Variants in PEX3 observed in about 807,000 individuals in gnomAD.
PEX3 encodes peroxin-3.
PEX3 carries 30 observed loss-of-function variants against 55.8 expected under a neutral mutation model. The ratio of observed to expected loss-of-function variants is 0.54; its 90% confidence interval spans 0.40 to 0.73. The LOEUF (loss-of-function observed/expected upper bound fraction) is 0.73, where lower values mean the gene tolerates loss of function less well. Among genes scored for constraint, PEX3 ranks in the 30% least tolerant of loss-of-function variants. The probability of loss-of-function intolerance (pLI) is 0.00; values close to 1 mark genes in which losing one functional copy is unlikely to be tolerated. For synonymous variants in PEX3, 135 were observed against 148.4 expected, an observed-to-expected ratio of 0.91 and a Z score of 0.66; for missense variants, 351 against 432.8, an observed-to-expected ratio of 0.81 and a Z score of 1.68.
rs1016224890 is a variant in PEX3, at chr6:143,475,736, A to G, written c.818+880A>G. 6.6e-6 allele frequency among the ~76,000 whole-genome samples: 1 copy of G among 152,198 alleles called. No homozygotes were observed. Among genetic ancestry groups the G allele is most frequent in the African/African-American group, 2.4e-5 (1 of 41,456 alleles). ...TTCATTGGCAACTGCCTCCCAGGCA[A>G]TGTTTTATACTCCCATTACTTTACT... On this transcript the variant is annotated intron_variant, in intron 9 of 11. Coordinates refer to ENST00000367591, the MANE Select transcript of PEX3 (RefSeq NM_003630.3). The surrounding 1 kb of genome is among the most constrained non-coding windows in gnomAD (Gnocchi z 4.4).
In PEX3 at chr6:143,474,859, A is replaced by G. The variant is rs975195178; in HGVS notation, c.818+3A>G. 7.3e-6 allele frequency: 11 copies of G among 1,505,204 alleles called. No homozygotes were observed. In the African/African-American group the frequency reaches 1.2e-4, roughly 17 times the overall value. 93.2% of individuals were successfully genotyped at this position (1,505,204 alleles called of 1,614,324 possible). A position where few individuals can be genotyped will look rare whatever the true frequency, so the allele number is the denominator to read the frequency against. On this transcript the variant is annotated splice_donor_region_variant and intron_variant, in intron 9 of 11. Coordinates refer to ENST00000367591, the MANE Select transcript of PEX3 (RefSeq NM_003630.3). ...GAAACTAGAGACATGTTGGAAAGGTATGTATACTTCATGTAGCAGGAAAAA... is the reference window on the plus strand; with the variant it reads ...GAAACTAGAGACATGTTGGAAAGGTGTGTATACTTCATGTAGCAGGAAAAA...
In PEX3 at chr6:143,459,256, G is replaced by A; in HGVS notation, c.205+40G>A. On this transcript the variant is annotated intron_variant, in intron 2 of 11. Transcript: ENST00000367591. The surrounding 1 kb of genome is among the most constrained non-coding windows in gnomAD (Gnocchi z 4.2). ...TATTTATACATGTGTAAAGTTGTTT[G>A]ACGGTTGTATTAATTTGCATATCAC... 1 of 1,576,676 alleles carries A rather than the reference G, an allele frequency of 6.3e-7. No individual in the cohort carries two copies. Among genetic ancestry groups the A allele is most frequent in the Non-Finnish European group, 8.7e-7 (1 of 1,147,048 alleles).
intron 4 of PEX3, among the ~76,000 whole-genome samples, chr6:143,468,420 T>A (rs1011638642): frequency 1.3e-5 from 2 of 152,204 alleles, no homozygotes; most frequent in African/African-American, 4.8e-5. Context: ...CTTTATTAGG[T>A]ACTGATATCT....
In PEX3 at chr6:143,485,191, A is replaced by G; in HGVS notation, c.981A>G (p.Pro327=). The change falls in exon 11 of 12, where the codon CCA becomes CCG. Residue 327 remains proline, a synonymous_variant. Transcript: ENST00000367591. This position sits in a 1 kb window ranked among gnomAD's most constrained non-coding sequence, Gnocchi z 5.6. ...SVSLPLAKII[P]IVNGQIHSVC... ...GCCTGCCTTTAGCTAAGATAATTCC[A>G]ATAGTAAACGGACAGATCCATTCAG... 3 of 1,607,202 alleles carry G rather than the reference A, an allele frequency of 1.9e-6. No individual in the cohort carries two copies. The highest frequency in any genetic ancestry group is 2.6e-6 in the Non-Finnish European group (3 of 1,173,944).
chr6:143,460,893 T>C lies in PEX3; in HGVS notation c.205+1677T>C, dbSNP rs570740345. 6.7e-5 allele frequency among the ~76,000 whole-genome samples: 10 copies of C among 149,118 alleles called. No individual in the cohort carries two copies. The South Asian group carries it at 2.1e-3, about 31-fold the overall frequency. On this transcript the variant is annotated intron_variant, in intron 2 of 11. Transcript: ENST00000367591. Reference sequence around the variant, plus strand: ...AAAAAAAAAAAAAAAAAGTAAAATGTAGCTGCTGGGGTCTTAAAATACATC... The same window carrying C: ...AAAAAAAAAAAAAAAAAGTAAAATGCAGCTGCTGGGGTCTTAAAATACATC...
At position 143,459,891 on chromosome 6, in the gene PEX3, C is replaced by G. The variant is rs1779896810; in HGVS notation, c.205+675C>G. ...TCGTCCACAATAGTATACACTCAGGCAATGTTAATTAATGGCAATAATTTA... is the reference window on the plus strand; with the variant it reads ...TCGTCCACAATAGTATACACTCAGGGAATGTTAATTAATGGCAATAATTTA... On this transcript the variant is annotated intron_variant, in intron 2 of 11. Coordinates refer to ENST00000367591, the MANE Select transcript of PEX3 (RefSeq NM_003630.3). This position sits in a 1 kb window ranked among gnomAD's most constrained non-coding sequence, Gnocchi z 4.2. Among the ~76,000 whole-genome samples, 1 of 152,158 alleles carries G rather than the reference C, an allele frequency of 6.6e-6. No homozygotes were observed. Among genetic ancestry groups the G allele is most frequent in the Non-Finnish European group, 1.5e-5 (1 of 68,022 alleles).
In PEX3 at chr6:143,489,132, A is replaced by T. The variant is rs778683131; in HGVS notation, c.1039-11A>T. The T allele has an allele frequency of 6.4e-7, 1 of 1,573,728 alleles. No homozygotes were observed. The highest frequency in any genetic ancestry group is 1.1e-5 in the South Asian group (1 of 90,266). On this transcript the variant is annotated splice_polypyrimidine_tract_variant and intron_variant, in intron 11 of 11. Transcript: ENST00000367591. The surrounding 1 kb of genome is among the most constrained non-coding windows in gnomAD (Gnocchi z 5.5). ...TTGCAAACTATAATGTTATATTATC[A>T]TCTTTGCTAGGATCTGTTGACAATG... is the stretch of plus-strand genomic sequence containing the variant.
In PEX3 at chr6:143,454,854, G is replaced by T. The variant is rs935475913; in HGVS notation, c.73+3739G>T. On this transcript the variant is annotated intron_variant, in intron 1 of 11. Transcript: ENST00000367591. This position sits in a 1 kb window ranked among gnomAD's most constrained non-coding sequence, Gnocchi z 4.3. ...ATGAATGAAACTGTATTTCACTATG[G>T]CTATGCAAATGAGAAGTGGCAAAAG... Among the ~76,000 whole-genome samples, 5 of 152,188 alleles carry T rather than the reference G, an allele frequency of 3.3e-5. No individual in the cohort carries two copies. The highest frequency in any genetic ancestry group is 1.2e-4 in the African/African-American group (5 of 41,440).
chr6:143,480,040 C>T (rs1350912066), intron 10 of PEX3, among the ~76,000 whole-genome samples: 1 of 151,956 alleles, frequency 6.6e-6, no homozygotes, highest in Non-Finnish European at 1.5e-5. Context: ...TTCTTAAATA[C>T]ATAGGGCCAG....
chr6:143,484,927 G>T, intron 10 of PEX3: 1 of 504,294 alleles, frequency 2.0e-6, no homozygotes, highest in Non-Finnish European at 3.6e-6. Flanking sequence ...GAGGTTTTTG[G>T]TAGACACAAA....
Position 143,487,426 on chromosome 6 carries a change from A to C in PEX3, c.1039-1717A>C, listed in dbSNP as rs1780335894. On this transcript the variant is annotated intron_variant, in intron 11 of 11. Coordinates refer to ENST00000367591, the MANE Select transcript of PEX3 (RefSeq NM_003630.3). This position sits in a 1 kb window ranked among gnomAD's most constrained non-coding sequence, Gnocchi z 5.3. ...GCACTACAATGGTAGTATTTCTCAG[A>C]TTTGTCCATACACCTCACATACATA... 1.3e-5 allele frequency among the ~76,000 whole-genome samples: 2 copies of C among 152,160 alleles called. No individual in the cohort carries two copies. Among genetic ancestry groups the C allele is most frequent in the South Asian group, 4.2e-4 (2 of 4,818 alleles).
intron 3 of PEX3, 22 bp from the exon 4 acceptor site, chr6:143,468,100 A>G: frequency 7.7e-7 from 1 of 1,299,160 alleles, no homozygotes. Context: ...TTATTTTCAT[A>G]TTTTTAAATT....
Position 143,463,139 on chromosome 6 carries a change from T to C in PEX3, c.287+142T>C. 3.0e-6 allele frequency: 2 copies of C among 665,778 alleles called. No individual in the cohort carries two copies. Among genetic ancestry groups the C allele is most frequent in the Non-Finnish European group, 5.4e-6 (2 of 371,358 alleles). The allele number at this position is 665,778 out of a possible 1,614,324, so 41.2% of individuals were successfully genotyped here. A position where few individuals can be genotyped will look rare whatever the true frequency, so the allele number is the denominator to read the frequency against. ...CTCAGTAAGAAAAATACTAACTATA[T>C]CATTTAACCTACATTTAATTTTGTC... On this transcript the variant is annotated intron_variant, in intron 3 of 11. Coordinates refer to ENST00000367591, the MANE Select transcript of PEX3 (RefSeq NM_003630.3). The surrounding 1 kb of genome is among the most constrained non-coding windows in gnomAD (Gnocchi z 5.7).
chr6:143,453,266 A>T lies in PEX3; in HGVS notation c.73+2151A>T, dbSNP rs1779799440. 6.6e-6 allele frequency among the ~76,000 whole-genome samples: 1 copy of T among 152,232 alleles called. No homozygotes were observed. The highest frequency in any genetic ancestry group is 6.5e-5 in the Admixed American group (1 of 15,286). ...GTTGTGAAAAATCAGGAAGAATTTCATGGAAGAAGAGACACATTTTGACAG... is the reference window on the plus strand; with the variant it reads ...GTTGTGAAAAATCAGGAAGAATTTCTTGGAAGAAGAGACACATTTTGACAG... On this transcript the variant is annotated intron_variant, in intron 1 of 11. Coordinates refer to ENST00000367591, the MANE Select transcript of PEX3 (RefSeq NM_003630.3). The surrounding 1 kb of genome is among the most constrained non-coding windows in gnomAD (Gnocchi z 4.6).
chr6:143,470,155 GGC>G (rs1780052711), intron 4 of PEX3, among the ~76,000 whole-genome samples: 1 of 152,086 alleles, frequency 6.6e-6, no homozygotes, highest in African/African-American at 2.4e-5. Context: ...TTACCATGTT[GGC>G]CAGGATGGTC....
At chr6:143,461,367 A>T (rs186736965) in intron 2 of PEX3, among the ~76,000 whole-genome samples, 1 of 152,338 alleles carries the variant, frequency 6.6e-6, no homozygotes, top group African/African-American at 2.4e-5. Flanking sequence ...CGTTTCCATG[A>T]TGCAACCCTA....
At position 143,474,860 on chromosome 6, in the gene PEX3, T is replaced by G; in HGVS notation, c.818+4T>G. 1.3e-6 allele frequency: 2 copies of G among 1,504,562 alleles called. No homozygotes were observed. Among genetic ancestry groups the G allele is most frequent in the South Asian group, 1.1e-5 (1 of 88,860 alleles). The allele number at this position is 1,504,562 out of a possible 1,614,324, so 93.2% of individuals were successfully genotyped here. ...AAACTAGAGACATGTTGGAAAGGTA[T>G]GTATACTTCATGTAGCAGGAAAAAT... is the stretch of plus-strand genomic sequence containing the variant. On this transcript the variant is annotated splice_donor_region_variant and intron_variant, in intron 9 of 11. Transcript: ENST00000367591.
rs1439042324 is a variant in PEX3, at chr6:143,451,847, C to T, written c.73+732C>T. On this transcript the variant is annotated intron_variant, in intron 1 of 11. Transcript: ENST00000367591. The surrounding 1 kb of genome is among the most constrained non-coding windows in gnomAD (Gnocchi z 4.1). ...TGAGACGCTTTTCCCTCATACAATG[C>T]TCATGTGATAATATTCAGGGATTTG... Among the ~76,000 whole-genome samples, 2 of 152,050 alleles carry T rather than the reference C, an allele frequency of 1.3e-5. No individual in the cohort carries two copies. Among genetic ancestry groups the T allele is most frequent in the Non-Finnish European group, 2.9e-5 (2 of 68,012 alleles).
Position 143,458,471 on chromosome 6 carries a change from T to C in PEX3, c.74-614T>C, listed in dbSNP as rs772159773. 8.5e-5 allele frequency among the ~76,000 whole-genome samples: 13 copies of C among 152,346 alleles called. No individual in the cohort carries two copies. The highest frequency in any genetic ancestry group is 3.4e-3 in the Middle Eastern group (1 of 294). The stretch of plus-strand genomic sequence containing the variant: ...TGCCTGACTAACTACCTTTCTTTCA[T>C]TGTTCCTTTTAAAATTTTTATCTTA... On this transcript the variant is annotated intron_variant, in intron 1 of 11. Coordinates refer to ENST00000367591, the MANE Select transcript of PEX3 (RefSeq NM_003630.3). The surrounding 1 kb of genome is among the most constrained non-coding windows in gnomAD (Gnocchi z 6.1).
Sources: allele counts gnomAD v4.1 joint callset (sites outside exome capture counted in the v4.1 genomes callset), GRCh38; gene constraint gnomAD v4.1.1; non-coding constraint Gnocchi (gnomAD v3.1); transcripts MANE v1.5; gene names NCBI Gene and HGNC (gene_info 2026-07-23, HGNC 2026-07-21).